The following UBR4 variants were observed in gnomAD, a reference collection of about 807,000 sequenced individuals.
UBR4 encodes ubiquitin protein ligase E3 component n-recognin 4, also known as E3 ubiquitin-protein ligase UBR4.
In UBR4, 124 loss-of-function variants were observed where a neutral mutation model predicts 575.6. That is an observed-to-expected ratio of 0.22 (90% CI 0.19 to 0.25). The LOEUF (loss-of-function observed/expected upper bound fraction) is 0.25. Ranked by LOEUF, UBR4 falls within the 10% of genes least tolerant of loss-of-function variation. UBR4 has a pLI of 1.00. For missense variants in UBR4, 4,818 were observed against 6,478.8 expected (o/e 0.74, Z 8.80); for synonymous variants, 2,455 against 2,473.7 (o/e 0.99, Z 0.22).
intron 39 of UBR4, 68 bp from the exon 40 acceptor site, chr1:19,158,065 TATTCATGTGCCTGAGACACTGCACA>T (rs1360669435): frequency 1.2e-5 from 18 of 1,513,216 alleles, no homozygotes; most frequent in Non-Finnish European, 1.6e-5. Context: ...ATTCACGCAC[TATTCATGTGCCTGAGACACTGCACA>T]ATTCAGTCAT....
At chr1:19,176,474 C>G in intron 20 of UBR4, 118 bp downstream of exon 20, 1 of 1,208,196 alleles carries the variant, frequency 8.3e-7, no homozygotes. Context: ...ATTTGCCACC[C>G]ATAGGGATTA....
rs750888571 is a variant in UBR4 at position 19,210,266 on chromosome 1, C to A, written c.-18G>T. On this transcript the variant is annotated 5_prime_UTR_variant, in exon 1 of 106. Transcript: ENST00000375254. ...GTCGCCATCTTCCGTCGTACTACTG[C>A]GGCTCCCTCCGGGGGCTTGCCACCG... 7.6e-6 allele frequency: 11 copies of A among 1,438,922 alleles called. No individual in the cohort carries two copies. Among genetic ancestry groups the A allele is most frequent in the Non-Finnish European group, 1.0e-5 (11 of 1,102,840 alleles). 89.1% of individuals were successfully genotyped at this position (1,438,922 alleles called of 1,614,324 possible). A position where few individuals can be genotyped will look rare whatever the true frequency, so the allele number is the denominator to read the frequency against.
At chr1:19,092,792 C>T in intron 97 of UBR4, 27 bp downstream of exon 97, 1 of 1,586,892 alleles carries the variant, frequency 6.3e-7, no homozygotes, top group Non-Finnish European at 8.6e-7. Context: ...CCCCTGTACC[C>T]TCACACTACC....
chr1:19,102,821 G>A lies in UBR4; in HGVS notation c.12902-1180C>T, dbSNP rs1339808021. On this transcript the variant is annotated intron_variant, in intron 87 of 105. Coordinates refer to ENST00000375254, the MANE Select transcript of UBR4 (RefSeq NM_020765.3). Reference sequence around the variant, plus strand: ...AGTACCCCAAAGAGCTACACCCTTGGTGCAGAGATCAGCTATCCCTTTCCC... The same window carrying A: ...AGTACCCCAAAGAGCTACACCCTTGATGCAGAGATCAGCTATCCCTTTCCC... Among the ~76,000 whole-genome samples, 3 of 152,148 alleles carry A rather than the reference G, an allele frequency of 2.0e-5. No homozygotes were observed. The East Asian group carries it at 5.8e-4, about 29-fold the overall frequency.
At chr1:19,203,094 G>C (rs1178688737) in intron 1 of UBR4, among the ~76,000 whole-genome samples, 1 of 150,908 alleles carries the variant, frequency 6.6e-6, no homozygotes, top group East Asian at 2.0e-4. Context: ...AAAAAAAAAA[G>C]AAAGAAACAT....
Position 19,210,216 on chromosome 1 carries a change from TGCCGCC to T in UBR4, c.27_32del (p.Ala12_Ala13del), listed in dbSNP as rs988094549. ...CCGGGGTCCCCGGCGCCGGAGCCGC[TGCCGCC>T]GCCTCTTCGCCGCCGCTCGTCGCCA... On this transcript the variant is annotated inframe_deletion, in exon 1 of 106. Transcript: ENST00000375254. The T allele has an allele frequency of 1.4e-6, 2 of 1,441,098 alleles. No homozygotes were observed. Among genetic ancestry groups the T allele is most frequent in the Non-Finnish European group, 1.8e-6 (2 of 1,100,064 alleles). The allele number at this position is 1,441,098 out of a possible 1,614,324, so 89.3% of individuals were successfully genotyped here.
chr1:19,128,153 C>G (rs1037747307), intron 62 of UBR4, 58 bp downstream of exon 62: 1 of 1,510,202 alleles, frequency 6.6e-7, no homozygotes, highest in Admixed American at 1.7e-5. Context: ...CGAATGGGAA[C>G]CTGAGAAAGG....
intron 44 of UBR4, 87 bp from the exon 45 acceptor site, chr1:19,154,026 C>T: frequency 6.9e-7 from 1 of 1,441,956 alleles, no homozygotes. Flanking sequence ...CTCTAACTGG[C>T]TACGTGACTC....
At chr1:19,098,597 ACTGG>A (rs1470367716) in intron 90 of UBR4, among the ~76,000 whole-genome samples, 1 of 152,206 alleles carries the variant, frequency 6.6e-6, no homozygotes, top group Admixed American at 6.5e-5. Context: ...AACAAGAGGT[ACTGG>A]CTGGGACAGT....
chr1:19,201,625 C>T, intron 2 of UBR4, 93 bp downstream of exon 2: 4 of 1,130,910 alleles, frequency 3.5e-6, no homozygotes, highest in Admixed American at 2.2e-5. Context: ...ACCTAGACTT[C>T]ATTAACAACT....
At chr1:19,138,661 A>G (rs963173314) in intron 59 of UBR4, among the ~76,000 whole-genome samples, 4 of 151,608 alleles carry the variant, frequency 2.6e-5, no homozygotes, top group Admixed American at 2.6e-4. Context: ...ATCATTAACA[A>G]TAAGATCGCT....
rs538669435 is a variant in UBR4, at chr1:19,158,001, G to T, written c.5578-4C>A. 46 of 1,604,804 alleles carry T rather than the reference G, an allele frequency of 2.9e-5. No individual in the cohort carries two copies. The highest frequency in any genetic ancestry group is 3.7e-5 in the Non-Finnish European group (43 of 1,172,416). ...CCTGGGACCCTAAGGTGGGAACCTG[G>T]CAAAGAAGGAAGCAGAGAAAGTGGG... On this transcript the variant is annotated splice_region_variant and splice_polypyrimidine_tract_variant and intron_variant, in intron 39 of 105. Coordinates refer to ENST00000375254, the MANE Select transcript of UBR4 (RefSeq NM_020765.3).
rs2079045710 is a variant in UBR4, at chr1:19,105,125, G to A, written c.12568C>T (p.Leu4190Phe). The A allele has an allele frequency of 6.2e-7, 1 of 1,614,088 alleles. No homozygotes were observed. Among genetic ancestry groups the A allele is most frequent in the East Asian group, 2.2e-5 (1 of 44,874 alleles). ...ACTTTCCAGTGCGCAGAAGTGATGAGCTTCTGGTAGAGAGCCAGGTACTCA... is the reference window on the plus strand; with the variant it reads ...ACTTTCCAGTGCGCAGAAGTGATGAACTTCTGGTAGAGAGCCAGGTACTCA... ...AAEYLALYQK[L>F]ITSAHWKVYL... Residue 4190 changes from leucine (L) to phenylalanine (F), a missense_variant, in exon 85 of 106, where the codon CTC (leucine) becomes TTC (phenylalanine). Coordinates refer to ENST00000375254, the MANE Select transcript of UBR4 (RefSeq NM_020765.3).
At chr1:19,145,755 G>T in intron 53 of UBR4, 38 bp downstream of exon 53, 1 of 1,604,460 alleles carries the variant, frequency 6.2e-7, no homozygotes, top group Non-Finnish European at 8.5e-7. Flanking sequence ...CTTACATCAG[G>T]CTTCATTACC....
Position 19,081,554 on chromosome 1 carries a change from C to G in UBR4, c.15028G>C (p.Glu5010Gln). Residue 5010 changes from glutamate to glutamine, a missense_variant, in exon 103 of 106, where the codon GAA becomes CAA. Transcript: ENST00000375254. ...AGAAAGCCTTGGAGGTTCTTCTCTT[C>G]TCGGGAAGTTGCTCGGGTTCTAGAA... ...VLNTTRATSR[E>Q]EKNLQGFLEQ... 1 of 1,614,062 alleles carries G rather than the reference C, an allele frequency of 6.2e-7. No homozygotes were observed. The highest frequency in any genetic ancestry group is 8.5e-7 in the Non-Finnish European group (1 of 1,180,026).
chr1:19,132,800 T>C (rs1385445706), intron 60 of UBR4, among the ~76,000 whole-genome samples: 1 of 151,854 alleles, frequency 6.6e-6, no homozygotes, highest in African/African-American at 2.4e-5. Flanking sequence ...CTACAGATTG[T>C]CAAGACATTA....
chr1:19,103,133 C>T (rs2078820798), intron 87 of UBR4, among the ~76,000 whole-genome samples: 1 of 152,158 alleles, frequency 6.6e-6, no homozygotes, highest in Admixed American at 6.5e-5. Context: ...ACAGTCAAAA[C>T]TCATAAAACA....
At position 19,201,741 on chromosome 1, in the gene UBR4, T is replaced by A. The variant is rs1251646904; in HGVS notation, c.251A>T (p.Tyr84Phe). The change falls in exon 2 of 106, where the codon TAT becomes TTT. Residue 84 changes from tyrosine to phenylalanine, a missense_variant. By Grantham distance (22) the Tyr-to-Phe change is conservative (BLOSUM62 3). Transcript: ENST00000375254. The part of the protein sequence containing the change: ...YSSFVALSTH[Y>F]ITTVCSLIPR... ...ACTGAGACTGCAAACTGTTGTAATA[T>A]AGTGTGTGGAAAGTGCAACAAAAGA... 1 of 1,613,952 alleles carries A rather than the reference T, an allele frequency of 6.2e-7. No individual in the cohort carries two copies. The highest frequency in any genetic ancestry group is 1.3e-5 in the African/African-American group (1 of 74,936).
chr1:19,117,319 T>G lies in UBR4; in HGVS notation c.10725A>C (p.Thr3575=). ...TCCGTTTCAGATCCCCGATTTTCAC[T>G]GTCACTTTGCTGATGGTGTGACTGC... ...LIGSHTISKV[T]VKIGDLKRTK... The change falls in exon 73 of 106, where the codon ACA becomes ACC. Residue 3575 remains threonine, a synonymous_variant. Coordinates refer to ENST00000375254, the MANE Select transcript of UBR4 (RefSeq NM_020765.3). This position sits in a 1 kb window ranked among gnomAD's most constrained non-coding sequence, Gnocchi z 4.0. 1 of 1,614,218 alleles carries G rather than the reference T, an allele frequency of 6.2e-7. No homozygotes were observed. Among genetic ancestry groups the G allele is most frequent in the South Asian group, 1.1e-5 (1 of 91,080 alleles).
Sources: gnomAD v4.1 joint callset for allele counts (sites outside exome capture counted in the v4.1 genomes callset) on GRCh38, gnomAD v4.1.1 for gene constraint, Gnocchi (gnomAD v3.1) non-coding constraint, MANE v1.5 for transcripts, NCBI Gene and HGNC (gene_info 2026-07-23, HGNC 2026-07-21) for gene names.